ABCA1: variants seen among roughly 807,000 people sequenced by gnomAD.
The protein encoded by ABCA1 is ATP binding cassette subfamily A member 1, also known as phospholipid-transporting ATPase ABCA1.
In ABCA1, 133 loss-of-function variants were observed where a neutral mutation model predicts 262.5. That is an observed-to-expected ratio of 0.51 (90% confidence interval 0.44 to 0.59). The LOEUF is 0.59. Ranked by LOEUF, ABCA1 falls within the 20% of genes least tolerant of loss-of-function variation. The probability of loss-of-function intolerance (pLI) is 0.00; values close to 1 mark genes in which losing one functional copy is unlikely to be tolerated. For synonymous variants in ABCA1, 1,022 were observed against 1,043.5 expected (o/e 0.98, Z 0.40); for missense variants, 2,452 against 2,777.5 (o/e 0.88, Z 2.63).
intron 3 of ABCA1, among the ~76,000 whole-genome samples, chr9:104,887,177 C>T (rs1839252003): frequency 6.6e-6 from 1 of 152,164 alleles, no homozygotes; most frequent in Non-Finnish European, 1.5e-5. Flanking sequence ...ATTTGGGAGG[C>T]TGAGGCAGGA....
chr9:104,884,305 A>G, intron 4 of ABCA1, 122 bp downstream of exon 4: 1 of 1,313,276 alleles, frequency 7.6e-7, no homozygotes, highest in Non-Finnish European at 1.1e-6. Flanking sequence ...AGACTCTATC[A>G]CACAAGCATT....
At chr9:104,917,280 T>C (rs1453224633) in intron 1 of ABCA1, among the ~76,000 whole-genome samples, 1 of 152,214 alleles carries the variant, frequency 6.6e-6, no homozygotes, top group Non-Finnish European at 1.5e-5. Flanking sequence ...ATGGGGCTAA[T>C]ATAATAATAG....
chr9:104,805,116 T>C lies in ABCA1; in HGVS notation c.4465-396A>G, dbSNP rs535320441. On this transcript the variant is annotated intron_variant, in intron 31 of 49. Coordinates refer to ENST00000374736, the MANE Select transcript of ABCA1 (RefSeq NM_005502.4). ...TTGATATGGAGTTTTGCTGTGTTGCTCAGGCTGGAGTACAGTGGCGCAATT... is the reference window on the plus strand; with the variant it reads ...TTGATATGGAGTTTTGCTGTGTTGCCCAGGCTGGAGTACAGTGGCGCAATT... Among the ~76,000 whole-genome samples, 8 of 152,274 alleles carry C rather than the reference T, an allele frequency of 5.3e-5. No individual in the cohort carries two copies. The South Asian group carries it at 1.0e-3, about 20-fold the overall frequency.
chr9:104,853,937 T>C (rs1222296230), intron 7 of ABCA1, among the ~76,000 whole-genome samples: 1 of 152,218 alleles, frequency 6.6e-6, no homozygotes, highest in African/African-American at 2.4e-5. Context: ...GCACATTTCA[T>C]AGCAAATGCA....
chr9:104,870,453 AC>A (rs1249565029), intron 5 of ABCA1, among the ~76,000 whole-genome samples: 1 of 152,216 alleles, frequency 6.6e-6, no homozygotes, highest in East Asian at 1.9e-4. Context: ...CAGGGGTGGA[AC>A]GAGACATTAC....
At chr9:104,913,933 C>A (rs1418451571) in intron 1 of ABCA1, among the ~76,000 whole-genome samples, 1 of 151,316 alleles carries the variant, frequency 6.6e-6, no homozygotes, top group Non-Finnish European at 1.5e-5. Context: ...GTAGCTGGGA[C>A]TACCGACAGC....
intron 1 of ABCA1, among the ~76,000 whole-genome samples, chr9:104,912,821 G>GAA (rs36047954): frequency 7.9e-5 from 12 of 151,716 alleles, no homozygotes; most frequent in East Asian, 5.8e-4. Flanking sequence ...CTATGTCATA[G>GAA]AAAAAAAATC....
Position 104,812,645 on chromosome 9 carries a change from G to A in ABCA1, c.3979C>T (p.Gln1327Ter). 6.2e-7 allele frequency: 1 copy of A among 1,614,234 alleles called. No individual in the cohort carries two copies. The highest frequency in any genetic ancestry group is 8.5e-7 in the Non-Finnish European group (1 of 1,180,044). Residue 1327 changes from glutamine to a stop codon, truncating the protein, a stop_gained, in exon 28 of 50, where the codon CAA becomes TAA. Transcript: ENST00000374736. LOFTEE classifies it high-confidence loss of function. ...YQVKGWKLTQQQFVALLWKRL... is the reference protein window; with the variant it reads ...YQVKGWKLTQ ...TTCCACAAAAGGGCCACAAACTGTT[G>A]CTGTGTAAGTTTCCAGCCTTTCACC...
chr9:104,879,925 C>G (rs946784957), intron 5 of ABCA1, among the ~76,000 whole-genome samples: 1 of 152,150 alleles, frequency 6.6e-6, no homozygotes, highest in Non-Finnish European at 1.5e-5. Context: ...GAAAGGAGGC[C>G]ATTTTGCCTA....
rs1159890078 is a variant in ABCA1 at position 104,781,652 on chromosome 9, A to G, written c.*2663T>C. On this transcript the variant is annotated 3_prime_UTR_variant, in exon 50 of 50. Transcript: ENST00000374736. Reference sequence around the variant, plus strand: ...TAGTGTGAGGTTTGGTTGTTTTTTAACAATGAATTGTGCTGGGCATTTATG... The same window carrying G: ...TAGTGTGAGGTTTGGTTGTTTTTTAGCAATGAATTGTGCTGGGCATTTATG... The G allele has an allele frequency of 6.6e-6, 1 of 152,642 alleles. No individual in the cohort carries two copies. Among genetic ancestry groups the G allele is most frequent in the Non-Finnish European group, 1.5e-5 (1 of 68,004 alleles). The allele number at this position is 152,642 out of a possible 1,614,324, so 9.5% of individuals were successfully genotyped here.
chr9:104,857,209 A>T (rs1835914252), intron 7 of ABCA1, among the ~76,000 whole-genome samples: 1 of 151,098 alleles, frequency 6.6e-6, no homozygotes, highest in Non-Finnish European at 1.5e-5. Flanking sequence ...AGGCTGAGGC[A>T]TGAGAATCAC....
chr9:104,800,080 G>T, intron 35 of ABCA1, 92 bp from the exon 36 acceptor site: 1 of 1,434,098 alleles, frequency 7.0e-7, no homozygotes, highest in Non-Finnish European at 9.8e-7. Context: ...ATAAACCTCA[G>T]AAAGAAATTC....
chr9:104,850,452 T>C (rs1168315909), intron 7 of ABCA1, among the ~76,000 whole-genome samples: 2 of 152,218 alleles, frequency 1.3e-5, no homozygotes, highest in Non-Finnish European at 2.9e-5. Flanking sequence ...TCTCTGTACC[T>C]TTTTTCATGT....
Position 104,799,839 on chromosome 9 carries a change from C to T in ABCA1, c.4923G>A (p.Gln1641=). ...AFNHPLNLTK[Q]QLSEVALMTT... is the part of the protein sequence containing the mutation. ...CTTACAGAGCCACCTCTGAGAGCTG[C>T]TGCTTGGTGAGATTCAGGGGATGAT... is the stretch of plus-strand genomic sequence containing the variant. The change falls in exon 36 of 50, where the codon CAG becomes CAA. Residue 1641 remains glutamine (Q), a synonymous_variant. Transcript: ENST00000374736. 1 of 1,614,200 alleles carries T rather than the reference C, an allele frequency of 6.2e-7. No individual in the cohort carries two copies. The highest frequency in any genetic ancestry group is 8.5e-7 in the Non-Finnish European group (1 of 1,180,034).
At chr9:104,831,390 T>C (rs1833309268) in intron 13 of ABCA1, among the ~76,000 whole-genome samples, 1 of 152,074 alleles carries the variant, frequency 6.6e-6, no homozygotes, top group South Asian at 2.1e-4. Flanking sequence ...CTGGAATTAA[T>C]TCCCTTGAGT....
At chr9:104,840,577 A>G in intron 8 of ABCA1, 58 bp from the exon 9 acceptor site, 1 of 1,535,000 alleles carries the variant, frequency 6.5e-7, no homozygotes. Flanking sequence ...AGGGCAGTGC[A>G]AGGGTTGGGG....
intron 34 of ABCA1, among the ~76,000 whole-genome samples, chr9:104,800,824 G>A (rs779071386): frequency 3.9e-5 from 6 of 152,128 alleles, no homozygotes; most frequent in Non-Finnish European, 7.4e-5. Flanking sequence ...GAAATCCTGG[G>A]ATGCAAAGCC....
chr9:104,811,554 C>G (rs975510716), intron 28 of ABCA1, among the ~76,000 whole-genome samples: 6 of 152,012 alleles, frequency 3.9e-5, no homozygotes, highest in African/African-American at 1.4e-4. Flanking sequence ...TCTACCATAT[C>G]TTCTCTGAAA....
intron 49 of ABCA1, 129 bp from the exon 50 acceptor site, chr9:104,784,584 T>C: frequency 9.1e-7 from 1 of 1,101,290 alleles, no homozygotes; most frequent in Non-Finnish European, 1.3e-6. Context: ...ATGGATTAAC[T>C]AGAAAACTGT....
Sources: allele counts gnomAD v4.1 joint callset (sites outside exome capture counted in the v4.1 genomes callset), GRCh38; gene constraint gnomAD v4.1.1; transcripts MANE v1.5; gene names NCBI Gene and HGNC (gene_info 2026-07-23, HGNC 2026-07-21).